EPS15: variants seen among roughly 807,000 people sequenced by gnomAD.
EPS15 encodes the protein epidermal growth factor receptor pathway substrate 15.
EPS15 carries 72 observed loss-of-function variants against 113.8 expected under a neutral mutation model. The observed-to-expected ratio is 0.63, with a 90% CI of 0.52 to 0.77. The LOEUF (loss-of-function observed/expected upper bound fraction) is 0.77, where lower values mean the gene tolerates loss of function less well. Among genes scored for constraint, EPS15 ranks in the 30% least tolerant of loss-of-function variants. The pLI, the probability that EPS15 is intolerant of heterozygous loss-of-function variation, is 0.00. For synonymous variants in EPS15, 344 were observed against 363.4 expected, an observed-to-expected ratio of 0.95 and a Z score of 0.61; for missense variants, 1,048 against 1,045.8, an observed-to-expected ratio of 1.00 and a Z score of -0.03.
At chr1:51,439,678 T>C (rs531843127) in intron 12 of EPS15, among the ~76,000 whole-genome samples, 1 of 152,226 alleles carries the variant, frequency 6.6e-6, no homozygotes, top group South Asian at 2.1e-4. Context: ...TTTGAGTCTG[T>C]TCTACATAGT....
At chr1:51,514,968 T>C (rs1255239825) in intron 1 of EPS15, among the ~76,000 whole-genome samples, 1 of 152,212 alleles carries the variant, frequency 6.6e-6, no homozygotes, top group African/African-American at 2.4e-5. Flanking sequence ...TGAGAACATG[T>C]TGTCATTTTC....
chr1:51,478,097 T>C (rs1325247031), intron 2 of EPS15, among the ~76,000 whole-genome samples: 2 of 152,146 alleles, frequency 1.3e-5, no homozygotes, highest in African/African-American at 2.4e-5. Context: ...CTAAGTCTCT[T>C]TGTAGGTCTC....
chr1:51,515,888 T>C (rs905799143), intron 1 of EPS15, among the ~76,000 whole-genome samples: 1 of 152,218 alleles, frequency 6.6e-6, no homozygotes, highest in African/African-American at 2.4e-5. Context: ...GTAAAACATA[T>C]CGTTAGATTC....
chr1:51,417,758 A>G (rs1650378202), intron 13 of EPS15, among the ~76,000 whole-genome samples: 1 of 152,256 alleles, frequency 6.6e-6, no homozygotes, highest in Non-Finnish European at 1.5e-5. Flanking sequence ...AGTAGAGAAC[A>G]TTCTGGACTA....
Position 51,408,232 on chromosome 1 carries a change from T to C in EPS15, c.1376A>G (p.Gln459Arg). Residue 459 changes from glutamine to arginine, a missense_variant, in exon 15 of 25, where the codon CAA (glutamine) becomes CGA (arginine). Transcript: ENST00000371733. ...ACTCTCCTCCAATTCTGCTGTTTCT[T>C]GCTGTAGACGGCTCAGCTCTTCTCT... ...KAREELSRLQ[Q>R]ETAELEESVE... is the part of the protein sequence containing the mutation. 1 of 1,614,130 alleles carries C rather than the reference T, an allele frequency of 6.2e-7. No individual in the cohort carries two copies. Among genetic ancestry groups the C allele is most frequent in the Non-Finnish European group, 8.5e-7 (1 of 1,179,950 alleles).
chr1:51,458,325 C>T (rs1375618586), intron 8 of EPS15: 2 of 151,006 alleles, frequency 1.3e-5, no homozygotes, highest in Non-Finnish European at 2.9e-5. Flanking sequence ...AAAAAAAAGG[C>T]CAGTTACCTG....
chr1:51,489,478 C>T (rs1432296713), intron 1 of EPS15, among the ~76,000 whole-genome samples: 6 of 151,728 alleles, frequency 4.0e-5, no homozygotes, highest in Non-Finnish European at 7.4e-5. Context: ...CACACCACCA[C>T]GCCAGACTAT....
At chr1:51,519,076 C>A in intron 1 of EPS15, 123 bp downstream of exon 1, 2 of 600,962 alleles carry the variant, frequency 3.3e-6, no homozygotes, top group Non-Finnish European at 5.2e-6. Flanking sequence ...ACACACCGGC[C>A]GCCCGGCCCA....
intron 24 of EPS15, among the ~76,000 whole-genome samples, chr1:51,357,574 T>A (rs2148336802): frequency 6.7e-6 from 1 of 148,864 alleles, no homozygotes; most frequent in South Asian, 2.1e-4. Context: ...TCAACTTTAC[T>A]GAGACCCTCA....
intron 17 of EPS15, 138 bp from the exon 18 acceptor site, chr1:51,402,663 A>T (rs1430571085): frequency 4.1e-6 from 2 of 487,128 alleles, no homozygotes; most frequent in East Asian, 7.2e-5. Context: ...GGTGGCTCAC[A>T]CCTGTAATCC....
In EPS15 at chr1:51,472,868, T is replaced by C; in HGVS notation, c.156A>G (p.Ile52Met). ...AATGAACGAATACTACCTTTCCAAG[T>C]ATCAAGTCTGGAAGCCCTGATTTTT... is the stretch of plus-strand genomic sequence containing the variant. ...FLKKSGLPDLILGKIWDLADT... is the reference protein window; with the variant it reads ...FLKKSGLPDLMLGKIWDLADT... Residue 52 changes from isoleucine to methionine, a missense_variant, in exon 3 of 25, where the codon ATA becomes ATG. Physicochemically the swap from Ile to Met is conservative, Grantham distance 10. Transcript: ENST00000371733. 6.2e-7 allele frequency: 1 copy of C among 1,610,190 alleles called. No individual in the cohort carries two copies. Among genetic ancestry groups the C allele is most frequent in the Non-Finnish European group, 8.5e-7 (1 of 1,176,438 alleles).
intron 23 of EPS15, among the ~76,000 whole-genome samples, chr1:51,362,066 C>T (rs1053881882): frequency 4.0e-5 from 6 of 151,744 alleles, no homozygotes; most frequent in Admixed American, 6.6e-5. Context: ...CTTACTTAAA[C>T]TTAGTACTTC....
At chr1:51,426,837 C>CTCTCTCTCTCTCTATATATA (rs377211027) in intron 12 of EPS15, among the ~76,000 whole-genome samples, 6 of 143,568 alleles carry the variant, frequency 4.2e-5, no homozygotes, top group African/African-American at 1.6e-4. Context: ...CTCTCTCTCT[C>CTCTCTCTCTCTCTATATATA]TATATATATA....
At chr1:51,428,553 G>A (rs932480141) in intron 12 of EPS15, among the ~76,000 whole-genome samples, 2 of 152,062 alleles carry the variant, frequency 1.3e-5, no homozygotes, top group African/African-American at 4.8e-5. Flanking sequence ...TGGGCCAGGT[G>A]CAGTGGCTCA....
At chr1:51,519,069 C>T (rs1212500374) in intron 1 of EPS15, 130 bp downstream of exon 1, 32 of 565,834 alleles carry the variant, frequency 5.7e-5, no homozygotes, top group Non-Finnish European at 8.4e-6. Flanking sequence ...CCCTCACACA[C>T]ACCGGCCGCC....
intron 1 of EPS15, among the ~76,000 whole-genome samples, 183 bp from the exon 2 acceptor site, chr1:51,481,497 T>C (rs1312519866): frequency 6.6e-6 from 1 of 152,222 alleles, no homozygotes; most frequent in African/African-American, 2.4e-5. Flanking sequence ...GATAGTCACA[T>C]GGGTTACTAA....
At chr1:51,507,722 ATG>A (rs202206045) in intron 1 of EPS15, among the ~76,000 whole-genome samples, 1 of 151,726 alleles carries the variant, frequency 6.6e-6, no homozygotes, top group African/African-American at 2.4e-5. Context: ...ACACATATAT[ATG>A]TGTGTGTGTG....
chr1:51,515,394 G>A, intron 1 of EPS15, among the ~76,000 whole-genome samples: 1 of 151,714 alleles, frequency 6.6e-6, no homozygotes, highest in East Asian at 1.9e-4. Flanking sequence ...GATCCCTTGA[G>A]CCCACAAGGT....
At chr1:51,400,076 T>C (rs1648370963) in intron 19 of EPS15, among the ~76,000 whole-genome samples, 1 of 152,218 alleles carries the variant, frequency 6.6e-6, no homozygotes, top group South Asian at 2.1e-4. Context: ...AACTTCTAAA[T>C]GTATTTTTCT....
Sources: gnomAD v4.1 joint callset for allele counts (sites outside exome capture counted in the v4.1 genomes callset) on GRCh38, gnomAD v4.1.1 for gene constraint, MANE v1.5 for transcripts, NCBI Gene and HGNC (gene_info 2026-07-23, HGNC 2026-07-21) for gene names.